RTL1: variants seen among roughly 807,000 people sequenced by gnomAD.
RTL1 encodes the protein retrotransposon-like protein 1.
For missense variants in RTL1, 1,681 were observed against 1,767.5 expected, an observed-to-expected ratio of 0.95 and a Z score of 0.88; for synonymous variants, 727 against 748.4, an observed-to-expected ratio of 0.97 and a Z score of 0.47.
intron 2 of RTL1, among the ~76,000 whole-genome samples, chr14:100,898,462 G>C (rs1197437310): frequency 6.6e-6 from 1 of 152,220 alleles, no homozygotes; most frequent in Non-Finnish European, 1.5e-5. Context: ...TTTTCATTGA[G>C]TGATCTTTCT....
chr14:100,882,703 C>G lies in RTL1; in HGVS notation c.2086G>C (p.Glu696Gln), dbSNP rs376585212. 46 of 1,551,814 alleles carry G rather than the reference C, an allele frequency of 3.0e-5. No individual in the cohort carries two copies. The African/African-American group carries it at 5.6e-4, about 19-fold the overall frequency. Residue 696 changes from glutamate (E) to glutamine (Q), a missense_variant, in exon 4 of 4, where the codon GAG (glutamate) becomes CAG (glutamine). By Grantham distance (29) the Glu-to-Gln change is conservative. Transcript: ENST00000649591. The stretch of plus-strand genomic sequence containing the variant: ...GCAAACGGCTGGTAGCTCTTCATCT[C>G]TTCAAGCTCCAAACCAAACGCTGCT... The part of the protein sequence containing the change: ...WKAAFGLELE[E>Q]MKSYQPFALS...
chr14:100,881,521 G>A lies in RTL1; in HGVS notation c.3268C>T (p.Leu1090=). The A allele has an allele frequency of 1.5e-5, 23 of 1,551,724 alleles. No individual in the cohort carries two copies. The highest frequency in any genetic ancestry group is 2.0e-5 in the Non-Finnish European group (23 of 1,147,006). ...AGCACGAGGATGGCTGCCAGGGCTAGGGTGTTCTTCCAGTACAGGAGGCCT... is the reference window on the plus strand; with the variant it reads ...AGCACGAGGATGGCTGCCAGGGCTAAGGTGTTCTTCCAGTACAGGAGGCCT... ...FRGLLYWKNT[L]ALAAILVLLR... is the part of the protein sequence containing the mutation. Residue 1090 remains leucine (L), a synonymous_variant, in exon 4 of 4, where the codon CTA becomes TTA. Transcript: ENST00000649591. This position sits in a 1 kb window ranked among gnomAD's most constrained non-coding sequence, Gnocchi z 6.6.
rs369107822 is a variant in RTL1, at chr14:100,894,113, C to A, written c.-148-608G>T. ...GCATTTGAGGTCAGGAGTTCAAGAC[C>A]AGCCTGGCTGACACCGTGAAACCTT... is the stretch of plus-strand genomic sequence containing the variant. On this transcript the variant is annotated intron_variant, in intron 2 of 3. Transcript: ENST00000649591. 3.9e-5 allele frequency among the ~76,000 whole-genome samples: 6 copies of A among 152,148 alleles called. No individual in the cohort carries two copies. In the East Asian group the frequency reaches 1.2e-3, roughly 29 times the overall value.
rs1203522201 is a variant in RTL1, at chr14:100,883,584, G to A, written c.1205C>T (p.Pro402Leu). 1.3e-6 allele frequency: 2 copies of A among 1,551,442 alleles called. No homozygotes were observed. The highest frequency in any genetic ancestry group is 2.0e-5 in the Admixed American group (1 of 50,998). The change falls in exon 4 of 4, where the codon CCG becomes CTG. Residue 402 changes from proline (P) to leucine (L), a missense_variant. By Grantham distance (98) the Pro-to-Leu change is moderately conservative. Coordinates refer to ENST00000649591, the MANE Select transcript of RTL1 (RefSeq NM_001134888.3). This position sits in a 1 kb window ranked among gnomAD's most constrained non-coding sequence, Gnocchi z 5.9. ...GAAGAGGTGGGCGCGATTGATGTCC[G>A]GATGGACTTCGCTGGGCAACCAGCT... ...VSSWLPSEVHPDINRAHLFLL... is the reference protein window; with the variant it reads ...VSSWLPSEVHLDINRAHLFLL...
In RTL1 at chr14:100,884,048, G is replaced by C. The variant is rs2038661129; in HGVS notation, c.741C>G (p.Gly247=). ...RVGYVINHLS[G]LALEWAKALL... The stretch of plus-strand genomic sequence containing the variant: ...GAGCTTTGGCCCATTCTAATGCCAA[G>C]CCGGACAGGTGATTGATGACATAGC... Residue 247 remains glycine (G), a synonymous_variant, in exon 4 of 4, where the codon GGC becomes GGG. Transcript: ENST00000649591. 1.3e-6 allele frequency: 2 copies of C among 1,551,616 alleles called. No individual in the cohort carries two copies. The highest frequency in any genetic ancestry group is 2.7e-5 in the African/African-American group (2 of 73,058).
intron 3 of RTL1, among the ~76,000 whole-genome samples, chr14:100,891,393 G>A (rs1449005888): frequency 6.6e-6 from 1 of 152,204 alleles, no homozygotes; most frequent in African/African-American, 2.4e-5. Flanking sequence ...TTTGGAAGGA[G>A]GAACAGGGAG....
At chr14:100,903,224 A>G (rs76627951) in intron 2 of RTL1, among the ~76,000 whole-genome samples, 67 bp downstream of exon 2, 17,483 of 152,174 alleles carry the variant, frequency 0.11, 1,155 homozygotes, top group South Asian at 0.15. Context: ...GGGTCCGGGC[A>G]TCCCATAGAC....
rs1037663014 is a variant in RTL1 at position 100,893,944 on chromosome 14, G to T, written c.-148-439C>A. Among the ~76,000 whole-genome samples the T allele has an allele frequency of 6.6e-6, 1 of 152,180 alleles. No homozygotes were observed. The highest frequency in any genetic ancestry group is 2.4e-5 in the African/African-American group (1 of 41,446). ...TCACTGGCCATGGCCCTGCAGCCTT[G>T]CTCTTCAGTTCCTGGAAGCCTCCTG... On this transcript the variant is annotated intron_variant, in intron 2 of 3. Coordinates refer to ENST00000649591, the MANE Select transcript of RTL1 (RefSeq NM_001134888.3). The surrounding 1 kb of genome is among the most constrained non-coding windows in gnomAD (Gnocchi z 4.2).
intron 2 of RTL1, among the ~76,000 whole-genome samples, chr14:100,902,123 C>G (rs1197933974): frequency 6.6e-6 from 1 of 152,194 alleles, no homozygotes; most frequent in Non-Finnish European, 1.5e-5. Context: ...CAGGGAGCTC[C>G]CTCTCTCCCC....
Position 100,897,763 on chromosome 14 carries a change from T to TGGGG in RTL1, c.-148-4262_-148-4259dup, listed in dbSNP as rs1566760864. The TGGGG allele has an allele frequency of 2.9e-4, 8 of 27,428 alleles. 2 individuals carry two copies. Among genetic ancestry groups the TGGGG allele is most frequent in the Admixed American group, 2.1e-3 (3 of 1,434 alleles). The allele number at this position is 27,428 out of a possible 1,614,324, so 1.7% of individuals were successfully genotyped here. A position where few individuals can be genotyped will look rare whatever the true frequency, so the allele number is the denominator to read the frequency against. ...TTACCCTGGTTGGCGGGGGGGGGGG[T>TGGGG]GGGGGGGTGGGGGGCGGGGGGGGGC... On this transcript the variant is annotated intron_variant, in intron 2 of 3. Coordinates refer to ENST00000649591, the MANE Select transcript of RTL1 (RefSeq NM_001134888.3).
intron 3 of RTL1, among the ~76,000 whole-genome samples, chr14:100,886,819 T>C (rs2038703377): frequency 1.3e-5 from 2 of 152,212 alleles, no homozygotes; most frequent in African/African-American, 4.8e-5. Flanking sequence ...CTTAAAACTC[T>C]TTATTGGTGA....
chr14:100,881,123 C>T lies in RTL1; in HGVS notation c.3666G>A (p.Leu1222=), dbSNP rs1024767239. Reference sequence around the variant, plus strand: ...CGACATCCTCATCACCAACGACGTGCAGCTCCAGGTAGCGGTTCTGACGCA... The same window carrying T: ...CGACATCCTCATCACCAACGACGTGTAGCTCCAGGTAGCGGTTCTGACGCA... ...PALRQNRYLE[L]HVVGDEDVVL... is the part of the protein sequence containing the mutation. The change falls in exon 4 of 4, where the codon CTG becomes CTA. Residue 1222 remains leucine (L), a synonymous_variant. Coordinates refer to ENST00000649591, the MANE Select transcript of RTL1 (RefSeq NM_001134888.3). The surrounding 1 kb of genome is among the most constrained non-coding windows in gnomAD (Gnocchi z 6.6). 6.4e-6 allele frequency: 10 copies of T among 1,571,596 alleles called. No individual in the cohort carries two copies. Among genetic ancestry groups the T allele is most frequent in the African/African-American group, 5.4e-5 (4 of 73,940 alleles).
rs1452924773 is a variant in RTL1 at position 100,893,690 on chromosome 14, T to C, written c.-148-185A>G. On this transcript the variant is annotated intron_variant, in intron 2 of 3. Coordinates refer to ENST00000649591, the MANE Select transcript of RTL1 (RefSeq NM_001134888.3). The surrounding 1 kb of genome is among the most constrained non-coding windows in gnomAD (Gnocchi z 4.2). ...CGTTGGGGACCTCCGTGATGCTTCCTGAGTGCTTACTATGCGCCAAGCGCT... is the reference window on the plus strand; with the variant it reads ...CGTTGGGGACCTCCGTGATGCTTCCCGAGTGCTTACTATGCGCCAAGCGCT... Among the ~76,000 whole-genome samples, 1 of 152,242 alleles carries C rather than the reference T, an allele frequency of 6.6e-6. No individual in the cohort carries two copies. Among genetic ancestry groups the C allele is most frequent in the Non-Finnish European group, 1.5e-5 (1 of 68,034 alleles).
Position 100,883,226 on chromosome 14 carries a change from G to A in RTL1, c.1563C>T (p.Gly521=). 2 of 1,553,246 alleles carry A rather than the reference G, an allele frequency of 1.3e-6. No individual in the cohort carries two copies. Among genetic ancestry groups the A allele is most frequent in the Non-Finnish European group, 1.7e-6 (2 of 1,147,628 alleles). The change falls in exon 4 of 4, where the codon GGC becomes GGT. Residue 521 remains glycine, a synonymous_variant. Transcript: ENST00000649591. The surrounding 1 kb of genome is among the most constrained non-coding windows in gnomAD (Gnocchi z 5.9). ...VHAPEVDWIK[G]RCTFHSPYCL... ...AGTAGGGAGAGTGGAAGGTGCAGCGGCCTTTGATCCAGTCGACTTCGGGGG... is the reference window on the plus strand; with the variant it reads ...AGTAGGGAGAGTGGAAGGTGCAGCGACCTTTGATCCAGTCGACTTCGGGGG...
Position 100,880,636 on chromosome 14 carries a change from G to C in RTL1, c.*76C>G. On this transcript the variant is annotated 3_prime_UTR_variant, in exon 4 of 4. Coordinates refer to ENST00000649591, the MANE Select transcript of RTL1 (RefSeq NM_001134888.3). ...AGGGAAGCGAAGCAGGCTGAGGCGC[G>C]GGGAGGCCAGGGGACGTCGGGAGGT... is the stretch of plus-strand genomic sequence containing the variant. 1 of 1,528,746 alleles carries C rather than the reference G, an allele frequency of 6.5e-7. No homozygotes were observed. The highest frequency in any genetic ancestry group is 8.8e-7 in the Non-Finnish European group (1 of 1,136,254). 94.7% of individuals were successfully genotyped at this position (1,528,746 alleles called of 1,614,324 possible).
In RTL1 at chr14:100,882,336, G is replaced by A; in HGVS notation, c.2453C>T (p.Pro818Leu). 1 of 1,551,704 alleles carries A rather than the reference G, an allele frequency of 6.4e-7. No homozygotes were observed. The highest frequency in any genetic ancestry group is 1.2e-5 in the South Asian group (1 of 84,060). ...SLRNFIEFVF[P>L]YRHFVERFSI... ...GAAGCGCTCCACGAAGTGGCGGTAG[G>A]GGAAGACGAATTCGATGAAGTTTCG... The change falls in exon 4 of 4, where the codon CCC (proline) becomes CTC (leucine). Residue 818 changes from proline (P) to leucine (L), a missense_variant. Coordinates refer to ENST00000649591, the MANE Select transcript of RTL1 (RefSeq NM_001134888.3).
In RTL1 at chr14:100,883,666, G is replaced by A. The variant is rs745359525; in HGVS notation, c.1123C>T (p.Arg375Cys). 29 of 1,551,396 alleles carry A rather than the reference G, an allele frequency of 1.9e-5. 1 individual carries two copies. In the South Asian group the frequency reaches 2.6e-4, roughly 14 times the overall value. Residue 375 changes from arginine (R) to cysteine (C), a missense_variant, in exon 4 of 4, where the codon CGC becomes TGC. Physicochemically the swap from Arg to Cys is radical, Grantham distance 180 (BLOSUM62 -3). Transcript: ENST00000649591. The surrounding 1 kb of genome is among the most constrained non-coding windows in gnomAD (Gnocchi z 5.9). Reference sequence around the variant, plus strand: ...TCGATCCAGGTCAGGTTCCGGGGGCGGGCCTCGGGGGGCAGCCTGAGCATA... The same window carrying A: ...TCGATCCAGGTCAGGTTCCGGGGGCAGGCCTCGGGGGGCAGCCTGAGCATA... The part of the protein sequence containing the change: ...RAMLRLPPEA[R>C]PRNLTWIDSP...
At chr14:100,889,939 G>T (rs1056301158) in intron 3 of RTL1, among the ~76,000 whole-genome samples, 1 of 152,072 alleles carries the variant, frequency 6.6e-6, no homozygotes, top group African/African-American at 2.4e-5. Context: ...CCATAGCCTG[G>T]GCCCTGCCTC....
Position 100,888,136 on chromosome 14 carries a change from A to T in RTL1, c.-86-3262T>A, listed in dbSNP as rs2038719268. Among the ~76,000 whole-genome samples, 4 of 152,198 alleles carry T rather than the reference A, an allele frequency of 2.6e-5. No individual in the cohort carries two copies. In the South Asian group the frequency reaches 6.2e-4, roughly 24 times the overall value. On this transcript the variant is annotated intron_variant, in intron 3 of 3. Transcript: ENST00000649591. ...GAACGCCTCTGCATGAGATTTCAAC[A>T]ATGAGCTCAATGAGCTCATCCCCCA...
Sources: allele counts gnomAD v4.1 joint callset (sites outside exome capture counted in the v4.1 genomes callset), GRCh38; gene constraint gnomAD v4.1.1; non-coding constraint Gnocchi (gnomAD v3.1); transcripts MANE v1.5; gene names NCBI Gene and HGNC (gene_info 2026-07-23, HGNC 2026-07-21).